The following HAAO variants were observed in gnomAD, a reference collection of about 807,000 sequenced individuals.
The protein encoded by HAAO is 3-hydroxyanthranilate 3,4-dioxygenase, also known as 3-hydroxyanthranilate oxygenase.
HAAO carries 49 observed loss-of-function variants against 46.2 expected under a neutral mutation model. The observed-to-expected ratio is 1.06, with a 90% CI of 0.84 to 1.34. HAAO has a LOEUF of 1.34. Among genes scored for constraint, HAAO ranks in the 40% most tolerant of loss-of-function variants. HAAO has a pLI of 0.00. For missense variants in HAAO, 408 were observed against 364.5 expected (o/e 1.12, Z -0.97); for synonymous variants, 157 against 145.2 (o/e 1.08, Z -0.58).
At chr2:42,787,678 G>C (rs1194154682) in intron 2 of HAAO, among the ~76,000 whole-genome samples, 8 of 152,206 alleles carry the variant, frequency 5.3e-5, no homozygotes, top group African/African-American at 1.4e-4. Flanking sequence ...CCTGGCTGTG[G>C]CCTGGATGCC....
At chr2:42,773,243 T>C (rs745624453) in intron 4 of HAAO, among the ~76,000 whole-genome samples, 3 of 152,186 alleles carry the variant, frequency 2.0e-5, no homozygotes, top group African/African-American at 7.2e-5. Flanking sequence ...ACCTCCCCCA[T>C]AGGATCGCTG....
chr2:42,778,126 T>TAA (rs372831587), intron 4 of HAAO, among the ~76,000 whole-genome samples: 28 of 149,868 alleles, frequency 1.9e-4, no homozygotes, highest in African/African-American at 4.6e-4. Flanking sequence ...AGGATTTATT[T>TAA]AAAAAAAAAA....
chr2:42,771,074 G>A (rs942219178), intron 4 of HAAO, among the ~76,000 whole-genome samples: 2 of 152,120 alleles, frequency 1.3e-5, no homozygotes, highest in African/African-American at 4.8e-5. Flanking sequence ...CTGAGTGCAC[G>A]GACACTTAAG....
rs774510148 is a variant in HAAO at position 42,792,446 on chromosome 2, G to A, written c.80+11C>T. On this transcript the variant is annotated intron_variant, in intron 1 of 9. Coordinates refer to ENST00000294973, the MANE Select transcript of HAAO (RefSeq NM_012205.3). ...GAGGGCAGGGGGCGGCCATGGGGGT[G>A]CTGGACTCACATGAGCTTGTTGCAG... 6.5e-6 allele frequency: 10 copies of A among 1,546,988 alleles called. No individual in the cohort carries two copies. Among genetic ancestry groups the A allele is most frequent in the Non-Finnish European group, 8.8e-6 (10 of 1,138,090 alleles).
chr2:42,786,336 C>T (rs2104667711), intron 2 of HAAO, among the ~76,000 whole-genome samples: 1 of 152,198 alleles, frequency 6.6e-6, no homozygotes, highest in East Asian at 1.9e-4. Flanking sequence ...GAATTATGCT[C>T]AGTTTGGAAG....
At chr2:42,773,507 A>G (rs538491556) in intron 4 of HAAO, among the ~76,000 whole-genome samples, 2 of 152,234 alleles carry the variant, frequency 1.3e-5, no homozygotes, top group Non-Finnish European at 2.9e-5. Flanking sequence ...TGTGAAAGGA[A>G]AATATCTTGG....
Position 42,767,384 on chromosome 2 carries a change from G to T in HAAO, c.*53C>A. ...CTGGGAGAGTTGTTTGGCAGGGATG[G>T]CACTCGAGGGTGCTTGGCACACCTG... On this transcript the variant is annotated 3_prime_UTR_variant, in exon 10 of 10. Coordinates refer to ENST00000294973, the MANE Select transcript of HAAO (RefSeq NM_012205.3). 2 of 1,249,452 alleles carry T rather than the reference G, an allele frequency of 1.6e-6. No homozygotes were observed. The highest frequency in any genetic ancestry group is 1.2e-6 in the Non-Finnish European group (1 of 856,432). The allele number at this position is 1,249,452 out of a possible 1,614,324, so 77.4% of individuals were successfully genotyped here. A position where few individuals can be genotyped will look rare whatever the true frequency, so the allele number is the denominator to read the frequency against.
At chr2:42,779,909 C>A (rs1671861934) in intron 4 of HAAO, among the ~76,000 whole-genome samples, 1 of 152,050 alleles carries the variant, frequency 6.6e-6, no homozygotes. Context: ...GAAGCATTGC[C>A]AAATATGAAA....
chr2:42,789,705 G>A (rs369104795), intron 1 of HAAO, among the ~76,000 whole-genome samples: 1 of 152,186 alleles, frequency 6.6e-6, no homozygotes, highest in Non-Finnish European at 1.5e-5. Context: ...CCACGCTGGC[G>A]TTGGGTCTGT....
At chr2:42,776,352 G>C (rs1264060964) in intron 4 of HAAO, among the ~76,000 whole-genome samples, 2 of 147,470 alleles carry the variant, frequency 1.4e-5, no homozygotes, top group Non-Finnish European at 3.0e-5. Flanking sequence ...AGATTCTCCT[G>C]CTCAGCTTCC....
chr2:42,789,293 A>T (rs1672612445), intron 1 of HAAO: 1 of 152,338 alleles, frequency 6.6e-6, no homozygotes, highest in Admixed American at 6.5e-5. Flanking sequence ...TAAAATAAAT[A>T]AACCCGGCCG....
chr2:42,783,528 T>A, intron 3 of HAAO, 108 bp from the exon 4 acceptor site: 1 of 739,384 alleles, frequency 1.4e-6, no homozygotes, highest in Non-Finnish European at 2.3e-6. Flanking sequence ...AGCAAAGGGG[T>A]ACTGCTTGTC....
chr2:42,773,944 T>C (rs777607640), intron 4 of HAAO, among the ~76,000 whole-genome samples: 13 of 152,298 alleles, frequency 8.5e-5, no homozygotes, highest in Middle Eastern at 6.8e-3. Flanking sequence ...TAAATGCATA[T>C]CTGATTGCCT....
intron 6 of HAAO, 119 bp downstream of exon 6, chr2:42,770,024 A>G (rs752141855): frequency 2.7e-6 from 3 of 1,120,318 alleles, no homozygotes; most frequent in South Asian, 2.8e-5. Context: ...CCATCTTCTT[A>G]GTACCTTGAG....
chr2:42,778,411 C>T (rs1671749041), intron 4 of HAAO, among the ~76,000 whole-genome samples: 1 of 152,076 alleles, frequency 6.6e-6, no homozygotes, highest in Non-Finnish European at 1.5e-5. Flanking sequence ...TCACTGCAAC[C>T]CTCCACCTCC....
chr2:42,773,369 G>A (rs935295376), intron 4 of HAAO, among the ~76,000 whole-genome samples: 2 of 152,134 alleles, frequency 1.3e-5, no homozygotes, highest in Non-Finnish European at 2.9e-5. Flanking sequence ...GAAACAAGCC[G>A]AGGGAGGCAC....
intron 4 of HAAO, among the ~76,000 whole-genome samples, chr2:42,775,777 T>C (rs1013643551): frequency 2.0e-5 from 3 of 151,894 alleles, no homozygotes; most frequent in Non-Finnish European, 4.4e-5. Context: ...GGGGGAGAAA[T>C]CTGTTTTTCC....
intron 9 of HAAO, 35 bp downstream of exon 9, chr2:42,767,560 G>A: frequency 2.5e-6 from 4 of 1,589,494 alleles, no homozygotes; most frequent in Non-Finnish European, 3.4e-6. Flanking sequence ...GTTGGACCCT[G>A]AGGATCCCAG....
intron 2 of HAAO, among the ~76,000 whole-genome samples, chr2:42,788,248 G>A (rs1257395317): frequency 2.0e-5 from 3 of 152,180 alleles, no homozygotes; most frequent in Non-Finnish European, 2.9e-5. Context: ...ATATCCAGGG[G>A]GAGGATGCCC....
Sources: gnomAD v4.1 joint callset for allele counts (sites outside exome capture counted in the v4.1 genomes callset) on GRCh38, gnomAD v4.1.1 for gene constraint, MANE v1.5 for transcripts, NCBI Gene and HGNC (gene_info 2026-07-23, HGNC 2026-07-21) for gene names.